The following BCL7A variants were observed in gnomAD, a reference collection of about 807,000 sequenced individuals.
BCL7A encodes BAF chromatin remodeling complex subunit BCL7A.
In BCL7A, 11 loss-of-function variants were observed where a neutral mutation model predicts 28.4. The observed-to-expected ratio is 0.39, with a 90% CI of 0.24 to 0.64. The LOEUF is 0.64. Ranked by LOEUF, BCL7A falls within the 30% of genes least tolerant of loss-of-function variation. The pLI, the probability that BCL7A is intolerant of heterozygous loss-of-function variation, is 0.50. For missense variants in BCL7A, 222 were observed against 274.8 expected (o/e 0.81, Z 1.36); for synonymous variants, 123 against 103.3 (o/e 1.19, Z -1.15).
At chr12:122,039,108 A>T (rs577242155) in intron 3 of BCL7A, among the ~76,000 whole-genome samples, 1 of 152,050 alleles carries the variant, frequency 6.6e-6, no homozygotes, top group East Asian at 1.9e-4. Context: ...CATCCTGGCT[A>T]ACACGGTGAA....
chr12:122,023,277 G>A (rs1883517992), intron 1 of BCL7A, among the ~76,000 whole-genome samples: 3 of 152,314 alleles, frequency 2.0e-5, no homozygotes, highest in South Asian at 4.1e-4. Context: ...TGGGGTCCCG[G>A]AGGGAGAGGA....
chr12:122,047,597 T>C (rs1884103999), intron 4 of BCL7A, among the ~76,000 whole-genome samples: 1 of 151,724 alleles, frequency 6.6e-6, no homozygotes, highest in Non-Finnish European at 1.5e-5. Flanking sequence ...CAATCTCCGC[T>C]CACTGCAGCC....
chr12:122,054,366 C>T (rs1236891397), intron 4 of BCL7A, among the ~76,000 whole-genome samples: 2 of 152,208 alleles, frequency 1.3e-5, no homozygotes, highest in Admixed American at 6.5e-5. Context: ...GGATTACAGG[C>T]CTGAGCCACC....
At chr12:122,025,102 T>C (rs1772191545) in intron 1 of BCL7A, among the ~76,000 whole-genome samples, 1 of 152,080 alleles carries the variant, frequency 6.6e-6, no homozygotes, top group Non-Finnish European at 1.5e-5. Flanking sequence ...AACAAAATGG[T>C]GGGCCTCTTT....
intron 3 of BCL7A, among the ~76,000 whole-genome samples, chr12:122,038,431 C>CAAA (rs56376395): frequency 0.034 from 1,146 of 33,516 alleles, 119 homozygotes; most frequent in Middle Eastern, 0.059. Flanking sequence ...GACTCTGCCT[C>CAAA]AAAAAAAAAA....
At chr12:122,023,012 T>G (rs1883506759) in intron 1 of BCL7A, among the ~76,000 whole-genome samples, 2 of 152,190 alleles carry the variant, frequency 1.3e-5, no homozygotes, top group African/African-American at 4.8e-5. Context: ...GGAGCTGTTG[T>G]TTTTGTTCTC....
At chr12:122,026,519 T>C (rs762811210) in intron 1 of BCL7A, among the ~76,000 whole-genome samples, 9 of 152,228 alleles carry the variant, frequency 5.9e-5, no homozygotes, top group Non-Finnish European at 1.0e-4. Context: ...AATGACTTGC[T>C]GTGAGGACTG....
chr12:122,055,139 T>C, intron 5 of BCL7A: 2 of 1,006,500 alleles, frequency 2.0e-6, no homozygotes, highest in Admixed American at 5.6e-5. Context: ...TTGTGGCCTC[T>C]GCCCTCAAGG....
At chr12:122,024,160 C>A (rs780693437) in intron 1 of BCL7A, among the ~76,000 whole-genome samples, 1 of 152,228 alleles carries the variant, frequency 6.6e-6, no homozygotes, top group African/African-American at 2.4e-5. Context: ...AGGGGCTGTA[C>A]CTCTGCGCCT....
intron 5 of BCL7A, among the ~76,000 whole-genome samples, chr12:122,057,148 C>T (rs956370034): frequency 6.6e-6 from 1 of 152,170 alleles, no homozygotes; most frequent in Non-Finnish European, 1.5e-5. Context: ...CTGTGGCTGG[C>T]GTCAGCAGGG....
chr12:122,053,076 C>T (rs1399938305), intron 4 of BCL7A, among the ~76,000 whole-genome samples: 2 of 151,714 alleles, frequency 1.3e-5, no homozygotes, highest in Non-Finnish European at 2.9e-5. Flanking sequence ...GCTCCCAATC[C>T]AGGAGGTGGT....
At position 122,022,019 on chromosome 12, in the gene BCL7A, G is replaced by A; in HGVS notation, c.-73G>A. The stretch of plus-strand genomic sequence containing the variant: ...GAGTGAGTGAGCGGCGGGCGGGCGC[G>A]AGTGTGGCCGCCGCGGAGCGCGAGC... On this transcript the variant is annotated 5_prime_UTR_variant, in exon 1 of 6. Transcript: ENST00000261822. The A allele has an allele frequency of 1.5e-6, 2 of 1,360,854 alleles. No individual in the cohort carries two copies. The highest frequency in any genetic ancestry group is 1.0e-6 in the Non-Finnish European group (1 of 1,001,336). The allele number at this position is 1,360,854 out of a possible 1,614,324, so 84.3% of individuals were successfully genotyped here. A position where few individuals can be genotyped will look rare whatever the true frequency, so the allele number is the denominator to read the frequency against.
At chr12:122,025,358 G>T (rs1202149474) in intron 1 of BCL7A, among the ~76,000 whole-genome samples, 6 of 152,220 alleles carry the variant, frequency 3.9e-5, no homozygotes, top group African/African-American at 9.6e-5. Context: ...GGGCGCGGTG[G>T]CTCACGCCTG....
rs1353112078 is a variant in BCL7A at position 122,059,526 on chromosome 12, C to T, written c.*363C>T. On this transcript the variant is annotated 3_prime_UTR_variant, in exon 6 of 6. Coordinates refer to ENST00000261822, the MANE Select transcript of BCL7A (RefSeq NM_001024808.3). This position sits in a 1 kb window ranked among gnomAD's most constrained non-coding sequence, Gnocchi z 4.0. ...ATCGGAGGGTGGTACCGATCAGGAA[C>T]GCTTTTTGGCGGGGCTTTCCACTGT... The T allele has an allele frequency of 5.9e-5, 15 of 252,656 alleles. No homozygotes were observed. Among genetic ancestry groups the T allele is most frequent in the Admixed American group, 5.3e-4 (10 of 19,014 alleles). The allele number at this position is 252,656 out of a possible 1,614,324, so 15.7% of individuals were successfully genotyped here.
chr12:122,033,604 G>A (rs944333505), intron 2 of BCL7A, among the ~76,000 whole-genome samples: 2 of 152,154 alleles, frequency 1.3e-5, no homozygotes, highest in South Asian at 2.1e-4. Flanking sequence ...GAGCCACCAC[G>A]CCCAGCCACA....
Position 122,060,830 on chromosome 12 carries a change from C to A in BCL7A, c.*1667C>A, listed in dbSNP as rs764684471. ...GGGATCCTGTCTATTTCCTGCACTTCGAGAAGAATCAAAATGTTCCTGAAT... is the reference window on the plus strand; with the variant it reads ...GGGATCCTGTCTATTTCCTGCACTTAGAGAAGAATCAAAATGTTCCTGAAT... On this transcript the variant is annotated 3_prime_UTR_variant, in exon 6 of 6. Transcript: ENST00000261822. 4.5e-6 allele frequency: 1 copy of A among 224,408 alleles called. No individual in the cohort carries two copies. The highest frequency in any genetic ancestry group is 2.3e-5 in the African/African-American group (1 of 43,632). The allele number at this position is 224,408 out of a possible 1,614,324, so 13.9% of individuals were successfully genotyped here. A position where few individuals can be genotyped will look rare whatever the true frequency, so the allele number is the denominator to read the frequency against.
In BCL7A at chr12:122,060,890, A is replaced by AT; in HGVS notation, c.*1727_*1728insT. 2 of 224,572 alleles carry AT rather than the reference A, an allele frequency of 8.9e-6. No homozygotes were observed. The highest frequency in any genetic ancestry group is 6.5e-5 in the East Asian group (1 of 15,354). The allele number at this position is 224,572 out of a possible 1,614,324, so 13.9% of individuals were successfully genotyped here. ...CTCATGCAAAATGTCTCCTGAAATA[A>AT]GGGAAAAAAAAAAAACCACAACTTT... is the stretch of plus-strand genomic sequence containing the variant. On this transcript the variant is annotated 3_prime_UTR_variant, in exon 6 of 6. Coordinates refer to ENST00000261822, the MANE Select transcript of BCL7A (RefSeq NM_001024808.3).
chr12:122,034,224 TA>T (rs1565936736), intron 2 of BCL7A, among the ~76,000 whole-genome samples: 18 of 58,982 alleles, frequency 3.1e-4, no homozygotes, highest in African/African-American at 7.0e-4. Flanking sequence ...TATATATATA[TA>T]TATATATATA....
intron 4 of BCL7A, among the ~76,000 whole-genome samples, chr12:122,050,735 G>T (rs1884175260): frequency 6.6e-6 from 1 of 152,236 alleles, no homozygotes; most frequent in African/African-American, 2.4e-5. Context: ...GGTGGAGGCT[G>T]CAGTGAGCCA....
Sources: gnomAD v4.1 joint callset for allele counts (sites outside exome capture counted in the v4.1 genomes callset) on GRCh38, gnomAD v4.1.1 for gene constraint, Gnocchi (gnomAD v3.1) non-coding constraint, MANE v1.5 for transcripts, NCBI Gene and HGNC (gene_info 2026-07-23, HGNC 2026-07-21) for gene names.